Variants in TACC2 observed in about 807,000 individuals in gnomAD.
TACC2 encodes the protein transforming acidic coiled-coil containing protein 2, also known as transforming acidic coiled-coil-containing protein 2.
In TACC2, 137 loss-of-function variants were observed where a neutral mutation model predicts 227.3. That is an observed-to-expected ratio of 0.60 (90% confidence interval 0.52 to 0.69). The LOEUF is 0.69. Among genes scored for constraint, TACC2 ranks in the 30% least tolerant of loss-of-function variants. TACC2 has a pLI of 0.00. For synonymous variants in TACC2, 1,523 were observed against 1,487.5 expected, an observed-to-expected ratio of 1.02 and a Z score of -0.55; for missense variants, 3,470 against 3,694.4, an observed-to-expected ratio of 0.94 and a Z score of 1.57.
chr10:122,027,845 G>T (rs565979794), intron 2 of TACC2, among the ~76,000 whole-genome samples: 1 of 151,140 alleles, frequency 6.6e-6, no homozygotes, highest in Admixed American at 6.6e-5. Flanking sequence ...CCAGGTTCAC[G>T]CCATTCTCCT....
At chr10:122,112,115 C>T (rs763470537) in intron 5 of TACC2, among the ~76,000 whole-genome samples, 2 of 152,060 alleles carry the variant, frequency 1.3e-5, no homozygotes, top group Admixed American at 6.6e-5. Context: ...AGTCTCATGC[C>T]CTTTGGTCCC....
At chr10:122,228,206 G>A (rs571105721) in intron 14 of TACC2, among the ~76,000 whole-genome samples, 198 bp downstream of exon 14, 7 of 152,228 alleles carry the variant, frequency 4.6e-5, no homozygotes, top group Non-Finnish European at 1.0e-4. Context: ...ATTCCCACCA[G>A]TATGGTTTTG....
chr10:122,180,365 T>G lies in TACC2; in HGVS notation c.5835-14675T>G, dbSNP rs1427143698. Among the ~76,000 whole-genome samples the G allele has an allele frequency of 6.6e-6, 1 of 151,216 alleles. No homozygotes were observed. Among genetic ancestry groups the G allele is most frequent in the African/African-American group, 2.4e-5 (1 of 41,226 alleles). On this transcript the variant is annotated intron_variant, in intron 7 of 22. Transcript: ENST00000369005. This position sits in a 1 kb window ranked among gnomAD's most constrained non-coding sequence, Gnocchi z 4.5. ...TTTTTTTTTTTTTTTGGGTTAATAG[T>G]CTGGCTTTGTCGCCCAGGCTGGAGT...
At chr10:121,998,269 A>G (rs935487233) in intron 1 of TACC2, among the ~76,000 whole-genome samples, 5 of 147,838 alleles carry the variant, frequency 3.4e-5, no homozygotes, top group Non-Finnish European at 7.4e-5. Context: ...CTGAGATCAC[A>G]CCACTGCACT....
chr10:122,130,037 A>C (rs1266642245), intron 5 of TACC2, among the ~76,000 whole-genome samples: 2 of 152,132 alleles, frequency 1.3e-5, no homozygotes, highest in Non-Finnish European at 2.9e-5. Context: ...TCCCTCTGTC[A>C]CCCAGGCTGG....
At chr10:122,058,807 C>T (rs1591546161) in intron 3 of TACC2, among the ~76,000 whole-genome samples, 1 of 151,700 alleles carries the variant, frequency 6.6e-6, no homozygotes, top group Non-Finnish European at 1.5e-5. Context: ...ATCAAGAACC[C>T]AAAAGAAAGA....
At chr10:121,993,599 G>A (rs1261873472) in intron 1 of TACC2, among the ~76,000 whole-genome samples, 3 of 151,684 alleles carry the variant, frequency 2.0e-5, no homozygotes, top group East Asian at 1.9e-4. Flanking sequence ...TCCTCCTTTC[G>A]GGGCTTTTGT....
At position 122,149,081 on chromosome 10, in the gene TACC2, A is replaced by T. The variant is rs79019838; in HGVS notation, c.5834+5375A>T. Among the ~76,000 whole-genome samples, 508 of 152,340 alleles carry T rather than the reference A, an allele frequency of 3.3e-3. 3 individuals are homozygous for T. Among genetic ancestry groups the T allele is most frequent in the African/African-American group, 0.011 (473 of 41,582 alleles). ...AGGCTGAAGCCAGGCGAGGGGTCTG[A>T]TAATAAGAATTTCCAGGAATACAAG... On this transcript the variant is annotated intron_variant, in intron 7 of 22. Transcript: ENST00000369005.
At chr10:122,213,285 A>G in intron 9 of TACC2, 1 of 1,566,458 alleles carries the variant, frequency 6.4e-7, no homozygotes, top group South Asian at 1.1e-5. Flanking sequence ...CTGCAGATTT[A>G]TCTTTTTTGT....
chr10:121,992,358 C>T (rs909137680), intron 1 of TACC2, among the ~76,000 whole-genome samples: 7 of 152,198 alleles, frequency 4.6e-5, no homozygotes, highest in Admixed American at 3.3e-4. Context: ...TGTGAAAACA[C>T]GCCACATGGT....
chr10:122,199,404 T>C (rs2094700924), intron 8 of TACC2, among the ~76,000 whole-genome samples: 2 of 152,208 alleles, frequency 1.3e-5, no homozygotes, highest in South Asian at 4.1e-4. Context: ...CCTCTGGTTT[T>C]CGTATACACT....
At chr10:122,049,092 G>C (rs2075378467) in intron 2 of TACC2, among the ~76,000 whole-genome samples, 1 of 152,240 alleles carries the variant, frequency 6.6e-6, no homozygotes, top group African/African-American at 2.4e-5. Flanking sequence ...ATCTGGTGCA[G>C]CTCATCTGGA....
At chr10:122,127,528 T>C (rs2087118496) in intron 5 of TACC2, among the ~76,000 whole-genome samples, 1 of 152,222 alleles carries the variant, frequency 6.6e-6, no homozygotes, top group Non-Finnish European at 1.5e-5. Flanking sequence ...AACCCTTTGC[T>C]GGCCTGACTA....
At chr10:122,224,702 T>TG in intron 11 of TACC2, 24 bp from the exon 12 acceptor site, 1 of 1,610,580 alleles carries the variant, frequency 6.2e-7, no homozygotes, top group Non-Finnish European at 8.5e-7. Flanking sequence ...TTTTTTGTGT[T>TG]TGTGTTTGTT....
intron 7 of TACC2, among the ~76,000 whole-genome samples, chr10:122,175,386 T>C (rs914176589): frequency 1.3e-5 from 2 of 152,172 alleles, no homozygotes; most frequent in African/African-American, 4.8e-5. Context: ...GATACATTAG[T>C]TATCACTCCT....
At chr10:122,233,465 A>G (rs989347144) in intron 16 of TACC2, among the ~76,000 whole-genome samples, 1 of 152,222 alleles carries the variant, frequency 6.6e-6, no homozygotes, top group Non-Finnish European at 1.5e-5. Context: ...AGAGGCCCCC[A>G]GCACGGTTGA....
chr10:122,104,403 C>G (rs1339784387), intron 5 of TACC2, among the ~76,000 whole-genome samples: 1 of 151,864 alleles, frequency 6.6e-6, no homozygotes, highest in African/African-American at 2.4e-5. Context: ...AAGTCTTGCT[C>G]TGTCACCCAG....
chr10:122,230,493 TG>T, intron 16 of TACC2, 53 bp downstream of exon 16: 1 of 1,532,108 alleles, frequency 6.5e-7, no homozygotes. Context: ...TGTGTGCCGC[TG>T]GGGTCCAGAA....
chr10:122,149,008 G>C (rs1169490812), intron 7 of TACC2, among the ~76,000 whole-genome samples: 1 of 152,250 alleles, frequency 6.6e-6, no homozygotes, highest in Non-Finnish European at 1.5e-5. Flanking sequence ...GGGGTCAGCA[G>C]GTCACCCTGA....
Sources: gnomAD v4.1 joint callset for allele counts (sites outside exome capture counted in the v4.1 genomes callset) on GRCh38, gnomAD v4.1.1 for gene constraint, Gnocchi (gnomAD v3.1) non-coding constraint, MANE v1.5 for transcripts, NCBI Gene and HGNC (gene_info 2026-07-23, HGNC 2026-07-21) for gene names.